SH3D19: variants seen among roughly 807,000 people sequenced by gnomAD.
The protein encoded by SH3D19 is SH3 domain containing 19.
A neutral mutation model predicts 112.1 loss-of-function variants in SH3D19; 58 were observed. That is an observed-to-expected ratio of 0.52 (90% confidence interval 0.42 to 0.64). The LOEUF (loss-of-function observed/expected upper bound fraction) is 0.64. Ranked by LOEUF, SH3D19 falls within the 30% of genes least tolerant of loss-of-function variation. SH3D19 has a pLI of 0.00. For synonymous variants in SH3D19, 391 were observed against 448.5 expected, an observed-to-expected ratio of 0.87 and a Z score of 1.62; for missense variants, 1,090 against 1,263.4, an observed-to-expected ratio of 0.86 and a Z score of 2.08.
intron 7 of SH3D19, among the ~76,000 whole-genome samples, chr4:151,167,299 T>TA (rs1758205942): frequency 6.6e-6 from 1 of 151,842 alleles, no homozygotes; most frequent in Admixed American, 6.6e-5. Flanking sequence ...TTATAACAAA[T>TA]ATATAACAAG....
chr4:151,212,425 G>A (rs1199387950), intron 2 of SH3D19, among the ~76,000 whole-genome samples: 1 of 152,194 alleles, frequency 6.6e-6, no homozygotes, highest in Non-Finnish European at 1.5e-5. Flanking sequence ...GATTATACGT[G>A]TGAGGGGCAC....
chr4:151,139,468 G>GA (rs1261770279), intron 13 of SH3D19, among the ~76,000 whole-genome samples: 2 of 152,140 alleles, frequency 1.3e-5, no homozygotes, highest in Non-Finnish European at 2.9e-5. Context: ...CCACTATTTT[G>GA]AAAGAGTTAA....
intron 1 of SH3D19, among the ~76,000 whole-genome samples, chr4:151,237,701 T>C (rs112408202): frequency 4.1e-4 from 62 of 152,302 alleles, no homozygotes; most frequent in African/African-American, 1.3e-3. Flanking sequence ...TTGCTATGAG[T>C]AAGTGCTCAA....
intron 2 of SH3D19, among the ~76,000 whole-genome samples, chr4:151,216,064 C>T (rs757267835): frequency 2.0e-5 from 3 of 152,076 alleles, no homozygotes; most frequent in Admixed American, 6.5e-5. Context: ...CTCCTGACCT[C>T]GTGATCTGCC....
At chr4:151,184,565 T>C (rs1761447151) in intron 3 of SH3D19, among the ~76,000 whole-genome samples, 1 of 152,182 alleles carries the variant, frequency 6.6e-6, no homozygotes, top group East Asian at 1.9e-4. Context: ...GCAAGGTTTT[T>C]CCCTTTGTTT....
chr4:151,128,143 C>A (rs1339947242), intron 18 of SH3D19, 27 bp downstream of exon 18: 2 of 1,555,622 alleles, frequency 1.3e-6, no homozygotes, highest in Non-Finnish European at 1.7e-6. Context: ...CGTGAGGAGT[C>A]GCATTCATGT....
intron 7 of SH3D19, chr4:151,165,944 AT>A (rs1757940733): frequency 5.2e-6 from 2 of 385,852 alleles, no homozygotes; most frequent in African/African-American, 4.1e-5. Flanking sequence ...ATCTTGAATT[AT>A]GTAGAAGCTG....
chr4:151,139,245 G>C (rs1049299429), intron 13 of SH3D19, among the ~76,000 whole-genome samples: 1 of 151,278 alleles, frequency 6.6e-6, no homozygotes, highest in Admixed American at 6.6e-5. Context: ...CCTCAGCCTC[G>C]CGGGTTCACG....
At chr4:151,287,438 T>C (rs369664631) in intron 1 of SH3D19, among the ~76,000 whole-genome samples, 5 of 151,412 alleles carry the variant, frequency 3.3e-5, no homozygotes, top group African/African-American at 7.3e-5. Flanking sequence ...AAGGAAGCTA[T>C]AGACCAGTAT....
intron 2 of SH3D19, among the ~76,000 whole-genome samples, chr4:151,188,891 A>C (rs1336581536): frequency 6.6e-6 from 1 of 152,148 alleles, no homozygotes; most frequent in African/African-American, 2.4e-5. Flanking sequence ...GTCACACTGG[A>C]GTTGGATGGG....
chr4:151,321,691 A>G (rs1435655401), intron 1 of SH3D19, among the ~76,000 whole-genome samples: 1 of 152,210 alleles, frequency 6.6e-6, no homozygotes, highest in Non-Finnish European at 1.5e-5. Flanking sequence ...TCTCTTAATT[A>G]CATGGAGTTT....
intron 19 of SH3D19, among the ~76,000 whole-genome samples, chr4:151,122,540 ATTAT>A (rs1173742099): frequency 1.1e-5 from 1 of 90,050 alleles, no homozygotes; most frequent in Non-Finnish European, 2.9e-5. Flanking sequence ...CACACACACG[ATTAT>A]TTATTGAGTA....
chr4:151,255,350 G>C (rs1771784240), intron 1 of SH3D19, among the ~76,000 whole-genome samples: 1 of 150,980 alleles, frequency 6.6e-6, no homozygotes, highest in African/African-American at 2.4e-5. Flanking sequence ...TCCCAGACAG[G>C]GTCGCGGCCG....
intron 1 of SH3D19, among the ~76,000 whole-genome samples, chr4:151,249,249 A>G (rs1317442144): frequency 6.6e-6 from 1 of 152,198 alleles, no homozygotes; most frequent in African/African-American, 2.4e-5. Flanking sequence ...AATATTTAAA[A>G]ATATTTTCTT....
intron 2 of SH3D19, among the ~76,000 whole-genome samples, chr4:151,206,994 C>T (rs1322417143): frequency 2.0e-5 from 3 of 152,116 alleles, no homozygotes; most frequent in African/African-American, 7.3e-5. Context: ...CTCCAGAAAC[C>T]ATGGCTGTCA....
intron 17 of SH3D19, among the ~76,000 whole-genome samples, chr4:151,130,317 G>A (rs1050916011): frequency 1.3e-5 from 2 of 152,026 alleles, no homozygotes; most frequent in African/African-American, 2.4e-5. Flanking sequence ...GTGTGTGCCT[G>A]TCATCCCAGC....
At position 151,204,833 on chromosome 4, in the gene SH3D19, T is replaced by G. The variant is rs562879205; in HGVS notation, c.153-17370A>C. On this transcript the variant is annotated intron_variant, in intron 2 of 19. Transcript: ENST00000604030. ...GAGATCAAGTCTGTTCTTTTTTTCT[T>G]TTTTTGAGACAGAGTCTCACTTTGT... 4.6e-5 allele frequency among the ~76,000 whole-genome samples: 7 copies of G among 152,282 alleles called. 1 individual carries two copies. In the South Asian group the frequency reaches 1.5e-3, roughly 32 times the overall value.
chr4:151,135,381 A>G (rs1483666516), intron 14 of SH3D19, among the ~76,000 whole-genome samples: 1 of 148,064 alleles, frequency 6.8e-6, no homozygotes, highest in Non-Finnish European at 1.5e-5. Flanking sequence ...GAATAACCAC[A>G]TTAATATCAC....
chr4:151,129,927 C>T (rs1348625826), intron 17 of SH3D19, among the ~76,000 whole-genome samples: 8 of 152,342 alleles, frequency 5.3e-5, no homozygotes, highest in African/African-American at 1.9e-4. Flanking sequence ...TGCTCCTGCA[C>T]TTGAGTAACC....
Sources: allele counts gnomAD v4.1 joint callset (sites outside exome capture counted in the v4.1 genomes callset), GRCh38; gene constraint gnomAD v4.1.1; transcripts MANE v1.5; gene names NCBI Gene and HGNC (gene_info 2026-07-23, HGNC 2026-07-21).